PTPRD: variants seen among roughly 807,000 people sequenced by gnomAD.
PTPRD encodes protein tyrosine phosphatase receptor type D.
In PTPRD, 34 loss-of-function variants were observed where a neutral mutation model predicts 214.5. That is an observed-to-expected ratio of 0.16 (90% CI 0.12 to 0.21). The LOEUF (loss-of-function observed/expected upper bound fraction) is 0.21. PTPRD is among the 10% of genes least tolerant of loss of function. PTPRD has a pLI of 1.00. For synonymous variants in PTPRD, 1,128 were observed against 845.7 expected, an observed-to-expected ratio of 1.33 and a Z score of -5.79; for missense variants, 2,545 against 2,398.7, an observed-to-expected ratio of 1.06 and a Z score of -1.27.
chr9:8,594,301 T>C lies in PTPRD; in HGVS notation c.352+39016A>G, dbSNP rs114771544. Among the ~76,000 whole-genome samples, 1,246 of 152,288 alleles carry C rather than the reference T, an allele frequency of 8.2e-3. 21 individuals carry two copies. Among genetic ancestry groups the C allele is most frequent in the African/African-American group, 0.028 (1,171 of 41,562 alleles). ...TAAACATAAATCCTAATTATCTCAC[T>C]TTTCTATAATAGAAAACTTACAAAG... is the stretch of plus-strand genomic sequence containing the variant. On this transcript the variant is annotated intron_variant, in intron 14 of 45. Transcript: ENST00000381196.
At chr9:8,379,113 A>C (rs576447472) in intron 37 of PTPRD, among the ~76,000 whole-genome samples, 1 of 152,294 alleles carries the variant, frequency 6.6e-6, no homozygotes, top group Non-Finnish European at 1.5e-5. Flanking sequence ...AGAAAAATAA[A>C]CATTTCAAAC....
chr9:10,079,534 G>A (rs2098196976), intron 3 of PTPRD, among the ~76,000 whole-genome samples: 1 of 152,054 alleles, frequency 6.6e-6, no homozygotes, highest in Non-Finnish European at 1.5e-5. Flanking sequence ...CCACTGCACT[G>A]CCACATGTTT....
At chr9:9,628,232 T>C (rs1347643331) in intron 7 of PTPRD, among the ~76,000 whole-genome samples, 1 of 152,150 alleles carries the variant, frequency 6.6e-6, no homozygotes, top group Non-Finnish European at 1.5e-5. Flanking sequence ...ACTTCACCCA[T>C]AACACATGTG....
intron 2 of PTPRD, among the ~76,000 whole-genome samples, chr9:10,473,645 T>C (rs904369670): frequency 2.6e-5 from 4 of 152,096 alleles, no homozygotes; most frequent in Admixed American, 6.6e-5. Context: ...TGATTGACAT[T>C]TTTTATGAAC....
intron 2 of PTPRD, among the ~76,000 whole-genome samples, chr9:10,504,256 A>T (rs563064148): frequency 6.6e-6 from 1 of 152,008 alleles, no homozygotes; most frequent in East Asian, 1.9e-4. Flanking sequence ...CTACATGTAC[A>T]CAAACAGTCT....
chr9:8,966,118 G>T (rs1003142749), intron 11 of PTPRD, among the ~76,000 whole-genome samples: 6 of 151,870 alleles, frequency 4.0e-5, no homozygotes, highest in Admixed American at 3.9e-4. Flanking sequence ...CTGCTAAAAG[G>T]CATCATAAAT....
At chr9:9,084,790 G>T (rs1403151640) in intron 10 of PTPRD, among the ~76,000 whole-genome samples, 1 of 152,014 alleles carries the variant, frequency 6.6e-6, no homozygotes, top group African/African-American at 2.4e-5. Context: ...CATAGTTCAC[G>T]GACTGTTGTT....
intron 7 of PTPRD, among the ~76,000 whole-genome samples, chr9:9,617,253 T>C (rs1182424933): frequency 2.6e-5 from 4 of 152,180 alleles, no homozygotes; most frequent in Non-Finnish European, 5.9e-5. Context: ...AAAGGAGAAT[T>C]AGACTCCTCG....
chr9:9,212,429 C>T (rs2099949385), intron 9 of PTPRD, among the ~76,000 whole-genome samples: 1 of 152,108 alleles, frequency 6.6e-6, no homozygotes, highest in South Asian at 2.1e-4. Flanking sequence ...CTATTGTTGC[C>T]TCCTCACTAT....
chr9:8,537,185 G>C (rs984896657), intron 14 of PTPRD, among the ~76,000 whole-genome samples: 4 of 152,032 alleles, frequency 2.6e-5, no homozygotes, highest in African/African-American at 9.6e-5. Flanking sequence ...GAAAAATAAA[G>C]AGCAAAGAAA....
intron 2 of PTPRD, among the ~76,000 whole-genome samples, chr9:10,439,851 G>T (rs1414030409): frequency 6.6e-6 from 1 of 151,470 alleles, no homozygotes; most frequent in African/African-American, 2.4e-5. Flanking sequence ...GTTTCTTGTT[G>T]ATACATTCAT....
chr9:9,508,002 A>G (rs1454492956), intron 8 of PTPRD, among the ~76,000 whole-genome samples: 1 of 151,570 alleles, frequency 6.6e-6, no homozygotes, highest in Admixed American at 6.6e-5. Flanking sequence ...TAATGCTTCT[A>G]TACTATCACA....
intron 9 of PTPRD, among the ~76,000 whole-genome samples, chr9:9,311,101 T>C (rs528915776): frequency 6.6e-6 from 1 of 151,924 alleles, no homozygotes; most frequent in African/African-American, 2.4e-5. Flanking sequence ...CAGGGCAAAA[T>C]AGGAAAAGGC....
chr9:8,667,942 C>T (rs1327311744), intron 12 of PTPRD, among the ~76,000 whole-genome samples: 3 of 151,570 alleles, frequency 2.0e-5, no homozygotes, highest in Non-Finnish European at 2.9e-5. Context: ...AGAAGTTGCC[C>T]AGTAAAAAAT....
intron 7 of PTPRD, among the ~76,000 whole-genome samples, chr9:9,625,461 T>C (rs766535004): frequency 1.3e-4 from 20 of 152,098 alleles, no homozygotes; most frequent in Admixed American, 4.6e-4. Flanking sequence ...TTCTTAACCA[T>C]AGGCAGCTCC....
intron 36 of PTPRD, among the ~76,000 whole-genome samples, chr9:8,402,154 T>C (rs1432862898): frequency 6.6e-6 from 1 of 152,198 alleles, no homozygotes; most frequent in African/African-American, 2.4e-5. Context: ...AAGCTCTCTA[T>C]AGCTCATGAA....
chr9:10,500,165 T>C (rs898644696), intron 2 of PTPRD, among the ~76,000 whole-genome samples: 4 of 151,938 alleles, frequency 2.6e-5, no homozygotes, highest in Non-Finnish European at 5.9e-5. Flanking sequence ...GTTACAACTT[T>C]CATGCATATG....
intron 10 of PTPRD, among the ~76,000 whole-genome samples, chr9:9,141,613 G>A (rs1027566664): frequency 2.0e-5 from 3 of 151,214 alleles, no homozygotes; most frequent in Non-Finnish European, 2.9e-5. Flanking sequence ...CCAAATCTCC[G>A]GGAACAGTGC....
intron 14 of PTPRD, among the ~76,000 whole-genome samples, chr9:8,618,939 T>TTTTTTTA (rs2095713731): frequency 1.6e-5 from 1 of 61,858 alleles, no homozygotes; most frequent in African/African-American, 5.6e-5. Context: ...TTTTTTTTTT[T>TTTTTTTA]ACCGGAAACA....
Sources: allele counts gnomAD v4.1 joint callset (sites outside exome capture counted in the v4.1 genomes callset), GRCh38; gene constraint gnomAD v4.1.1; transcripts MANE v1.5; gene names NCBI Gene and HGNC (gene_info 2026-07-23, HGNC 2026-07-21).